The following SAMD12 variants were observed in gnomAD, a reference collection of about 807,000 sequenced individuals.
SAMD12 encodes sterile alpha motif domain-containing protein 12.
SAMD12 carries 9 observed loss-of-function variants against 15.0 expected under a neutral mutation model. That is an observed-to-expected ratio of 0.60 (90% confidence interval 0.36 to 1.05). The LOEUF (loss-of-function observed/expected upper bound fraction) is 1.05. SAMD12 is among the 50% of genes least tolerant of loss of function. SAMD12 has a pLI of 0.01. For missense variants in SAMD12, 230 were observed against 234.2 expected, an observed-to-expected ratio of 0.98 and a Z score of 0.12; for synonymous variants, 86 against 90.1, an observed-to-expected ratio of 0.96 and a Z score of 0.25.
chr8:118,148,880 G>A, the SAMD12 span, among the ~76,000 whole-genome samples: 1 of 152,180 alleles, frequency 6.6e-6, no homozygotes, highest in African/African-American at 2.4e-5. Flanking sequence ...TTTAACTGCT[G>A]AATAGTAGTT....
At chr8:118,361,688 C>A (rs181389822) in intron 4 of SAMD12, among the ~76,000 whole-genome samples, 20 of 152,254 alleles carry the variant, frequency 1.3e-4, no homozygotes, top group African/African-American at 4.6e-4. Context: ...CACGTGTGTG[C>A]AACAACATAA....
intron 2 of SAMD12, among the ~76,000 whole-genome samples, chr8:118,531,073 A>C (rs1157634570): frequency 2.0e-5 from 3 of 152,230 alleles, no homozygotes; most frequent in Non-Finnish European, 4.4e-5. Flanking sequence ...TCTAATGTTT[A>C]AGTCTTTAAT....
At chr8:118,428,547 A>T (rs1245819807) in intron 3 of SAMD12, among the ~76,000 whole-genome samples, 3 of 152,140 alleles carry the variant, frequency 2.0e-5, no homozygotes, top group African/African-American at 7.2e-5. Flanking sequence ...ATTTTCTCTT[A>T]TGCTTCCTTC....
chr8:118,458,777 A>T (rs1009994236), intron 2 of SAMD12, among the ~76,000 whole-genome samples: 9 of 152,270 alleles, frequency 5.9e-5, no homozygotes, highest in African/African-American at 2.2e-4. Flanking sequence ...TACTTATCAA[A>T]TGTATTTTAG....
At chr8:118,520,584 T>C (rs1825362400) in intron 2 of SAMD12, among the ~76,000 whole-genome samples, 1 of 152,036 alleles carries the variant, frequency 6.6e-6, no homozygotes, top group Admixed American at 6.6e-5. Flanking sequence ...ATAACACAAT[T>C]GAGAAGATAC....
chr8:118,584,225 C>A (rs957787191), intron 1 of SAMD12, among the ~76,000 whole-genome samples: 1 of 152,278 alleles, frequency 6.6e-6, no homozygotes, highest in African/African-American at 2.4e-5. Flanking sequence ...GGTTTTTGTA[C>A]TTAGAATTAT....
intron 4 of SAMD12, among the ~76,000 whole-genome samples, chr8:118,290,603 A>C (rs1309177859): frequency 6.6e-6 from 1 of 152,250 alleles, no homozygotes. Flanking sequence ...ACATTAACTG[A>C]AAGAGTTAAC....
intron 2 of SAMD12, among the ~76,000 whole-genome samples, chr8:118,483,098 G>A (rs1156804258): frequency 6.6e-6 from 1 of 152,158 alleles, no homozygotes; most frequent in African/African-American, 2.4e-5. Flanking sequence ...AGAATATGAT[G>A]AGCCTCATGA....
At chr8:118,165,601 TACA>T in the SAMD12 span, among the ~76,000 whole-genome samples, 852 of 90,020 alleles carry the variant, frequency 9.5e-3, 16 homozygotes, top group African/African-American at 0.039. Flanking sequence ...TATACATATA[TACA>T]TATATATATG....
chr8:118,138,089 G>T, the SAMD12 span, among the ~76,000 whole-genome samples: 1 of 152,168 alleles, frequency 6.6e-6, no homozygotes, highest in East Asian at 1.9e-4. Context: ...ATAAGGCAGA[G>T]GGTGAGACTG....
intron 4 of SAMD12, among the ~76,000 whole-genome samples, chr8:118,300,040 T>A (rs916798656): frequency 1.3e-5 from 2 of 152,110 alleles, no homozygotes; most frequent in Admixed American, 6.6e-5. Flanking sequence ...TACTTTTTTT[T>A]AATTGACATA....
chr8:118,339,995 C>T (rs749562961), intron 4 of SAMD12, among the ~76,000 whole-genome samples: 2 of 152,214 alleles, frequency 1.3e-5, no homozygotes, highest in East Asian at 1.9e-4. Flanking sequence ...GGGCAGGGAT[C>T]GTGTCTCATT....
chr8:118,621,500 C>A (rs984293696), intron 1 of SAMD12: 51 of 469,456 alleles, frequency 1.1e-4, no homozygotes, highest in Non-Finnish European at 1.8e-4. Flanking sequence ...GCCAAAACCT[C>A]ATGCCGGATC....
At chr8:118,289,445 C>G (rs1287255080) in intron 4 of SAMD12, among the ~76,000 whole-genome samples, 1 of 152,174 alleles carries the variant, frequency 6.6e-6, no homozygotes, top group African/African-American at 2.4e-5. Flanking sequence ...GTTAAATGTT[C>G]TATTTTCCAA....
chr8:118,522,199 T>A (rs60687005), intron 2 of SAMD12, among the ~76,000 whole-genome samples: 1 of 15,812 alleles, frequency 6.3e-5, no homozygotes, highest in Middle Eastern at 0.045. Context: ...CACACACACA[T>A]ACACACACAC....
downstream of SAMD12, among the ~76,000 whole-genome samples, chr8:118,377,031 T>C (rs1413888610): frequency 6.6e-6 from 1 of 152,126 alleles, no homozygotes; most frequent in East Asian, 1.9e-4. Context: ...TTGTTTCCTT[T>C]TTTTTTTAAA....
Position 118,523,228 on chromosome 8 carries a change from G to GT in SAMD12, c.192+57486dup, listed in dbSNP as rs1488122245. 2.6e-5 allele frequency among the ~76,000 whole-genome samples: 4 copies of GT among 152,140 alleles called. No homozygotes were observed. In the East Asian group the frequency reaches 5.8e-4, roughly 22 times the overall value. ...ATTGAAGACTTTGGGGAGGAGGGAG[G>GT]TGGGGGGCACTCCCTCAACCTCTTG... On this transcript the variant is annotated intron_variant, in intron 2 of 3. Transcript: ENST00000314727.
intron 1 of SAMD12, among the ~76,000 whole-genome samples, chr8:118,602,327 A>G (rs959438072): frequency 2.6e-5 from 4 of 152,216 alleles, no homozygotes; most frequent in African/African-American, 7.2e-5. Flanking sequence ...AGAAAGCCCA[A>G]TGCTGTGTGC....
chr8:118,270,740 T>C (rs1813336532), intron 4 of SAMD12, among the ~76,000 whole-genome samples: 1 of 152,182 alleles, frequency 6.6e-6, no homozygotes, highest in African/African-American at 2.4e-5. Flanking sequence ...AGACAATCTT[T>C]CCTAGTGATC....
Sources: gnomAD v4.1 joint callset for allele counts (sites outside exome capture counted in the v4.1 genomes callset) on GRCh38, gnomAD v4.1.1 for gene constraint, MANE v1.5 for transcripts, NCBI Gene and HGNC (gene_info 2026-07-23, HGNC 2026-07-21) for gene names.